FANCC: variants seen among roughly 807,000 people sequenced by gnomAD.
FANCC encodes FA complementation group C.
Under a neutral mutation model 71.3 loss-of-function variants are expected in FANCC, and 55 were observed. The observed-to-expected ratio is 0.77, with a 90% CI of 0.62 to 0.97. The LOEUF (loss-of-function observed/expected upper bound fraction) is 0.97. FANCC is among the 50% of genes least tolerant of loss of function. FANCC has a pLI of 0.00. For missense variants in FANCC, 678 were observed against 670.9 expected, an observed-to-expected ratio of 1.01 and a Z score of -0.12; for synonymous variants, 275 against 244.9, an observed-to-expected ratio of 1.12 and a Z score of -1.15.
At chr9:95,297,815 G>A (rs1267736680) in intron 1 of FANCC, among the ~76,000 whole-genome samples, 2 of 152,110 alleles carry the variant, frequency 1.3e-5, no homozygotes, top group African/African-American at 4.8e-5. Context: ...AAAATTTCTC[G>A]CTTCTCACAA....
chr9:95,099,881 G>A lies in FANCC; in HGVS notation c.*1826C>T. ...CCAGTCCCAGGAGAAGGAAGGAAGGGGCATGGGCAGAGGCCTGGCAGGGGA... is the reference window on the plus strand; with the variant it reads ...CCAGTCCCAGGAGAAGGAAGGAAGGAGCATGGGCAGAGGCCTGGCAGGGGA... On this transcript the variant is annotated 3_prime_UTR_variant, in exon 15 of 15. Coordinates refer to ENST00000289081, the MANE Select transcript of FANCC (RefSeq NM_000136.3). The A allele has an allele frequency of 4.3e-6, 1 of 233,574 alleles. No individual in the cohort carries two copies. The highest frequency in any genetic ancestry group is 8.4e-6 in the Non-Finnish European group (1 of 118,362). 14.5% of individuals were successfully genotyped at this position (233,574 alleles called of 1,614,324 possible). A position where few individuals can be genotyped will look rare whatever the true frequency, so the allele number is the denominator to read the frequency against.
chr9:95,188,449 GAC>G (rs1365768367), intron 4 of FANCC, among the ~76,000 whole-genome samples: 1 of 152,166 alleles, frequency 6.6e-6, no homozygotes, highest in Non-Finnish European at 1.5e-5. Flanking sequence ...CTAGGGAGAA[GAC>G]ACAAGAAGTC....
chr9:95,189,363 T>C (rs907200614), intron 4 of FANCC, among the ~76,000 whole-genome samples: 3 of 152,218 alleles, frequency 2.0e-5, no homozygotes, highest in African/African-American at 7.2e-5. Context: ...GGAAGGCTGC[T>C]CATTCACAGA....
chr9:95,316,031 G>A (rs575904438), intron 1 of FANCC, among the ~76,000 whole-genome samples: 12 of 152,158 alleles, frequency 7.9e-5, no homozygotes, highest in Non-Finnish European at 1.3e-4. Context: ...TACCAATATA[G>A]AGCCTGCTTT....
chr9:95,315,909 A>G (rs925942806), intron 1 of FANCC, among the ~76,000 whole-genome samples: 1 of 152,252 alleles, frequency 6.6e-6, no homozygotes, highest in African/African-American at 2.4e-5. Context: ...GGTTAAAAGT[A>G]CCATTTGTTT....
chr9:95,111,251 G>A lies in FANCC; in HGVS notation c.1329+212C>T, dbSNP rs41281200. 9.0e-4 allele frequency: 1,389 copies of A among 1,541,052 alleles called. 3 individuals are homozygous for A. Among genetic ancestry groups the A allele is most frequent in the Non-Finnish European group, 1.2e-3 (1,337 of 1,149,638 alleles). ...TTTTGCAGGAGAATGGGCTGGCAGC[G>A]TCTCGTCTCTGGCCACCTCGGTGGG... On this transcript the variant is annotated intron_variant, in intron 13 of 14. Coordinates refer to ENST00000289081, the MANE Select transcript of FANCC (RefSeq NM_000136.3).
chr9:95,145,839 C>T (rs1306735851), intron 7 of FANCC, among the ~76,000 whole-genome samples: 1 of 152,064 alleles, frequency 6.6e-6, no homozygotes, highest in African/African-American at 2.4e-5. Context: ...TGCTTTACCA[C>T]CGGAGAACGG....
chr9:95,289,189 T>C (rs968554317), intron 1 of FANCC, among the ~76,000 whole-genome samples: 1 of 152,214 alleles, frequency 6.6e-6, no homozygotes. Flanking sequence ...TCAGAGTTAC[T>C]ACATAAGGTT....
intron 10 of FANCC, among the ~76,000 whole-genome samples, chr9:95,122,293 G>T (rs1428096203): frequency 6.6e-6 from 1 of 152,196 alleles, no homozygotes; most frequent in East Asian, 1.9e-4. Context: ...ATAAAACACA[G>T]AGAGAAAAGA....
rs1225198549 is a variant in FANCC at position 95,249,276 on chromosome 9, C to CTT, written c.15_16insAA (p.Val6LysfsTer2). ...AACTGATAATCACAAGAAAGATCTACTGAATCTTGAGCCATCTTGGAAAAA... is the reference window on the plus strand; with the variant it reads ...AACTGATAATCACAAGAAAGATCTACTTTGAATCTTGAGCCATCTTGGAAAAA... On this transcript the variant is annotated frameshift_variant, in exon 2 of 15. Coordinates refer to ENST00000289081, the MANE Select transcript of FANCC (RefSeq NM_000136.3). LOFTEE classifies it high-confidence loss of function. 6.2e-7 allele frequency: 1 copy of CTT among 1,614,086 alleles called. No homozygotes were observed. The highest frequency in any genetic ancestry group is 1.6e-4 in the Middle Eastern group (1 of 6,062).
At chr9:95,220,419 G>GT (rs1274933779) in intron 4 of FANCC, among the ~76,000 whole-genome samples, 1 of 152,170 alleles carries the variant, frequency 6.6e-6, no homozygotes, top group Admixed American at 6.5e-5. Flanking sequence ...ACATGCACAC[G>GT]TATGTTTACC....
At chr9:95,159,869 G>C (rs1010776855) in intron 6 of FANCC, among the ~76,000 whole-genome samples, 15 of 152,128 alleles carry the variant, frequency 9.9e-5, no homozygotes, top group Non-Finnish European at 1.9e-4. Context: ...ATTTTTGATG[G>C]GGTTGTTTGT....
intron 7 of FANCC, among the ~76,000 whole-genome samples, chr9:95,146,132 T>G (rs888214043): frequency 1.3e-5 from 2 of 152,068 alleles, no homozygotes; most frequent in Non-Finnish European, 2.9e-5. Flanking sequence ...TAAAATGCAT[T>G]GTATAGCAAG....
At chr9:95,142,031 C>T (rs1243351436) in intron 7 of FANCC, among the ~76,000 whole-genome samples, 3 of 94,386 alleles carry the variant, frequency 3.2e-5, no homozygotes, top group African/African-American at 4.1e-5. Context: ...TTGCTCTTGT[C>T]GCCCAGGCTG....
intron 6 of FANCC, among the ~76,000 whole-genome samples, chr9:95,165,280 C>T (rs1356504961): frequency 1.3e-5 from 2 of 151,418 alleles, no homozygotes. Context: ...ATTAGTCTCT[C>T]CCTTTTAACT....
At position 95,290,928 on chromosome 9, in the gene FANCC, G is replaced by A. The variant is rs140210066; in HGVS notation, c.-79+26598C>T. 4.6e-5 allele frequency among the ~76,000 whole-genome samples: 7 copies of A among 152,158 alleles called. No homozygotes were observed. The East Asian group carries it at 1.4e-3, about 29-fold the overall frequency. ...GGGTTGTAAGGATGATTCAACATAC[G>A]CCAATCTATGAAGATGATATACCAC... On this transcript the variant is annotated intron_variant, in intron 1 of 14. Coordinates refer to ENST00000289081, the MANE Select transcript of FANCC (RefSeq NM_000136.3).
At chr9:95,148,367 T>C (rs1829845790) in intron 7 of FANCC, among the ~76,000 whole-genome samples, 2 of 152,218 alleles carry the variant, frequency 1.3e-5, no homozygotes, top group African/African-American at 2.4e-5. Flanking sequence ...GAAATTGACC[T>C]GAAAGAATGA....
At chr9:95,301,252 CCTGA>C (rs1274956693) in intron 1 of FANCC, among the ~76,000 whole-genome samples, 5 of 151,392 alleles carry the variant, frequency 3.3e-5, no homozygotes, top group Admixed American at 3.3e-4. Context: ...GAAGAATATT[CCTGA>C]CTGACTCAGA....
chr9:95,110,576 A>C, intron 13 of FANCC: 1 of 1,034,574 alleles, frequency 9.7e-7, no homozygotes, highest in Non-Finnish European at 1.2e-6. Context: ...AACTTTTTAA[A>C]ATCTAAAACT....
Sources: gnomAD v4.1 joint callset for allele counts (sites outside exome capture counted in the v4.1 genomes callset) on GRCh38, gnomAD v4.1.1 for gene constraint, MANE v1.5 for transcripts, NCBI Gene and HGNC (gene_info 2026-07-23, HGNC 2026-07-21) for gene names.